RNF216: variants seen among roughly 807,000 people sequenced by gnomAD.
The protein encoded by RNF216 is ring finger protein 216.
In RNF216, 72 loss-of-function variants were observed where a neutral mutation model predicts 110.8. The ratio of observed to expected loss-of-function variants is 0.65; its 90% CI spans 0.54 to 0.79. The LOEUF (loss-of-function observed/expected upper bound fraction) is 0.79. Ranked by LOEUF, RNF216 falls within the 30% of genes least tolerant of loss-of-function variation. The pLI is 0.00. For missense variants in RNF216, 1,342 were observed against 1,141.2 expected (o/e 1.18, Z -2.54); for synonymous variants, 495 against 407.5 (o/e 1.21, Z -2.59).
intron 13 of RNF216, among the ~76,000 whole-genome samples, chr7:5,674,467 TA>T (rs532178772): frequency 2.4e-3 from 336 of 139,516 alleles, no homozygotes; most frequent in Non-Finnish European, 2.5e-3. Context: ...CTACATCTCT[TA>T]AAAAAAAAAA....
chr7:5,695,992 T>C (rs1791603749), intron 13 of RNF216, among the ~76,000 whole-genome samples: 1 of 152,150 alleles, frequency 6.6e-6, no homozygotes. Flanking sequence ...GATGTAGGAC[T>C]AGGCTGGGAA....
chr7:5,635,090 G>A (rs1787316596), intron 15 of RNF216, among the ~76,000 whole-genome samples: 1 of 152,010 alleles, frequency 6.6e-6, no homozygotes, highest in Non-Finnish European at 1.5e-5. Flanking sequence ...CACCAAGCTA[G>A]GGATCCTGGG....
chr7:5,751,200 A>G (rs184054213), intron 3 of RNF216, among the ~76,000 whole-genome samples: 1 of 152,286 alleles, frequency 6.6e-6, no homozygotes, highest in Admixed American at 6.5e-5. Context: ...ACAACAAAAA[A>G]AAGTGTGATA....
intron 15 of RNF216, among the ~76,000 whole-genome samples, chr7:5,632,055 T>C (rs1357877831): frequency 2.0e-5 from 3 of 152,144 alleles, no homozygotes; most frequent in African/African-American, 7.2e-5. Context: ...TCTGGACTTG[T>C]AGGTTCCAAG....
intron 13 of RNF216, among the ~76,000 whole-genome samples, chr7:5,653,540 G>A (rs997158961): frequency 7.3e-6 from 1 of 137,214 alleles, no homozygotes; most frequent in African/African-American, 2.7e-5. Context: ...GGCGGAGCTT[G>A]CAGTGAGCCG....
chr7:5,636,966 GAAGA>G (rs1292744984), intron 15 of RNF216, among the ~76,000 whole-genome samples: 1 of 152,136 alleles, frequency 6.6e-6, no homozygotes, highest in East Asian at 1.9e-4. Context: ...ACGAGGAGGA[GAAGA>G]AAGAAAAAAG....
chr7:5,666,372 C>T (rs1175068269), intron 13 of RNF216, among the ~76,000 whole-genome samples: 1 of 152,054 alleles, frequency 6.6e-6, no homozygotes, highest in Non-Finnish European at 1.5e-5. Flanking sequence ...CAGGGAAGGC[C>T]TCTCTGCGAA....
intron 1 of RNF216, among the ~76,000 whole-genome samples, chr7:5,762,780 G>T (rs1796001595): frequency 6.6e-6 from 1 of 152,110 alleles, no homozygotes; most frequent in Non-Finnish European, 1.5e-5. Context: ...CTATTTCTGG[G>T]TAAGGGAGAA....
chr7:5,641,376 A>C lies in RNF216; in HGVS notation c.2160T>G (p.Ile720Met), dbSNP rs149328847. Residue 720 changes from isoleucine to methionine, a missense_variant and splice_region_variant, in exon 15 of 17, where the codon ATT becomes ATG. Transcript: ENST00000389902. Reference sequence around the variant, plus strand: ...TGCGGGCAGCAGTCATTTTTTCTTCACTGAAATAAGAAAACATAATTTGGA... The same window carrying C: ...TGCGGGCAGCAGTCATTTTTTCTTCCCTGAAATAAGAAAACATAATTTGGA... ...EKDDIKYRTS[I>M]EEKMTAARIR... The C allele has an allele frequency of 5.0e-6, 8 of 1,610,724 alleles. No homozygotes were observed. Among genetic ancestry groups the C allele is most frequent in the Non-Finnish European group, 6.8e-6 (8 of 1,177,452 alleles).
rs114768878 is a variant in RNF216 at position 5,729,151 on chromosome 7, G to A, written c.1389+281C>T. On this transcript the variant is annotated intron_variant, in intron 7 of 16. Transcript: ENST00000389902. The stretch of plus-strand genomic sequence containing the variant: ...TTGGAAAGCAAATCAGGAAGGAGCA[G>A]CATTAGAATGCATCTTTCACACTCC... 9.1e-4 allele frequency among the ~76,000 whole-genome samples: 138 copies of A among 152,284 alleles called. 1 individual carries two copies. Among genetic ancestry groups the A allele is most frequent in the African/African-American group, 3.2e-3 (132 of 41,562 alleles).
rs530430658 is a variant in RNF216, at chr7:5,729,098, G to A, written c.1389+334C>T. 2.4e-4 allele frequency among the ~76,000 whole-genome samples: 36 copies of A among 152,312 alleles called. No homozygotes were observed. In the South Asian group the frequency reaches 6.4e-3, roughly 27 times the overall value. On this transcript the variant is annotated intron_variant, in intron 7 of 16. Coordinates refer to ENST00000389902, the MANE Select transcript of RNF216 (RefSeq NM_207111.4). ...TCACTGGTAACTGAGCCACCTGGGG[G>A]ATGGATGGTCGTGTGACCTGTCCCA...
chr7:5,701,652 A>G (rs932647990), intron 13 of RNF216, among the ~76,000 whole-genome samples: 2 of 152,238 alleles, frequency 1.3e-5, no homozygotes, highest in Non-Finnish European at 2.9e-5. Context: ...TGGAGGAGCT[A>G]GAATTAAAGC....
chr7:5,741,909 G>C, intron 3 of RNF216, 94 bp from the exon 4 acceptor site: 3 of 1,348,556 alleles, frequency 2.2e-6, no homozygotes, highest in Non-Finnish European at 3.0e-6. Flanking sequence ...GGACAGGAAA[G>C]AAACAAAAAC....
chr7:5,721,546 C>T (rs1309650290), intron 8 of RNF216, among the ~76,000 whole-genome samples: 1 of 152,192 alleles, frequency 6.6e-6, no homozygotes, highest in Non-Finnish European at 1.5e-5. Context: ...GAATGTATGT[C>T]CGCAATTTAC....
intron 1 of RNF216, among the ~76,000 whole-genome samples, chr7:5,776,594 C>CAAA (rs35304255): frequency 1.0e-3 from 65 of 62,358 alleles, no homozygotes; most frequent in South Asian, 3.1e-3. Flanking sequence ...GACTCCGTCT[C>CAAA]AAAAAAAAAA....
intron 13 of RNF216, among the ~76,000 whole-genome samples, chr7:5,661,566 G>A (rs904262932): frequency 6.6e-6 from 1 of 152,156 alleles, no homozygotes; most frequent in Non-Finnish European, 1.5e-5. Context: ...ATTTTGGGAG[G>A]CCGAGTAGGG....
intron 14 of RNF216, among the ~76,000 whole-genome samples, chr7:5,650,655 C>G (rs1788331825): frequency 6.6e-6 from 1 of 152,160 alleles, no homozygotes; most frequent in Non-Finnish European, 1.5e-5. Context: ...CACCTTCATC[C>G]ATCTTCAAAG....
At chr7:5,743,689 A>C (rs991778366) in intron 3 of RNF216, among the ~76,000 whole-genome samples, 3 of 152,234 alleles carry the variant, frequency 2.0e-5, no homozygotes, top group Admixed American at 6.5e-5. Flanking sequence ...AATTCAAAGA[A>C]AAGACCTGGA....
intron 15 of RNF216, among the ~76,000 whole-genome samples, chr7:5,629,792 A>C (rs1786951288): frequency 7.4e-6 from 1 of 135,136 alleles, no homozygotes; most frequent in African/African-American, 2.9e-5. Context: ...GTGCCACTGC[A>C]CTCCAGCCTG....
Sources: gnomAD v4.1 joint callset for allele counts (sites outside exome capture counted in the v4.1 genomes callset) on GRCh38, gnomAD v4.1.1 for gene constraint, MANE v1.5 for transcripts, NCBI Gene and HGNC (gene_info 2026-07-23, HGNC 2026-07-21) for gene names.